Variants in SH2B3 observed in about 807,000 individuals in gnomAD.
SH2B3 encodes the protein SH2B adaptor protein 3.
In SH2B3, 43 loss-of-function variants were observed where a neutral mutation model predicts 51.9. That is an observed-to-expected ratio of 0.83 (90% CI 0.65 to 1.07). The LOEUF (loss-of-function observed/expected upper bound fraction) is 1.07, where lower values mean the gene tolerates loss of function less well. SH2B3 is among the 50% of genes least tolerant of loss of function. The probability of loss-of-function intolerance (pLI) is 0.00; values close to 1 mark genes in which losing one functional copy is unlikely to be tolerated. For missense variants in SH2B3, 952 were observed against 834.3 expected (o/e 1.14, Z -1.74); for synonymous variants, 396 against 376.0 (o/e 1.05, Z -0.62).
At chr12:111,423,975 G>A (rs996077173) in intron 2 of SH2B3, among the ~76,000 whole-genome samples, 11 of 152,144 alleles carry the variant, frequency 7.2e-5, no homozygotes, top group Non-Finnish European at 1.5e-4. Context: ...AGCCTGGTGT[G>A]GTGGCACATG....
intron 2 of SH2B3, chr12:111,434,852 A>G: frequency 5.2e-6 from 8 of 1,533,580 alleles, no homozygotes; most frequent in Non-Finnish European, 6.1e-6. Context: ...AGTAAACAGG[A>G]GCTAAAATGA....
intron 2 of SH2B3, among the ~76,000 whole-genome samples, chr12:111,428,622 A>C (rs1311341725): frequency 6.6e-6 from 1 of 152,048 alleles, no homozygotes; most frequent in Non-Finnish European, 1.5e-5. Context: ...TGATTTTGGG[A>C]GCACAAAGTC....
rs1044585100 is a variant in SH2B3, at chr12:111,416,639, G to A, written c.-27-1480G>A. 8.5e-5 allele frequency among the ~76,000 whole-genome samples: 13 copies of A among 152,120 alleles called. 1 individual carries two copies. Among genetic ancestry groups the A allele is most frequent in the Admixed American group, 2.6e-4 (4 of 15,284 alleles). On this transcript the variant is annotated intron_variant, in intron 1 of 7. Coordinates refer to ENST00000341259, the MANE Select transcript of SH2B3 (RefSeq NM_005475.3). ...CTCCCAAGTAGCTGGGACTACAGGC[G>A]CCCGCCACCACAGCCGGCTAATTTT...
rs377227265 is a variant in SH2B3, at chr12:111,447,681, G to A, written c.1262G>A (p.Arg421Gln). 1.4e-5 allele frequency: 22 copies of A among 1,613,038 alleles called. No individual in the cohort carries two copies. The highest frequency in any genetic ancestry group is 4.0e-5 in the African/African-American group (3 of 74,902). The part of the protein sequence containing the change: ...AKHLRLSLTE[R>Q]GQCRVQHLHF... ...CACCTGCGCCTGTCGCTGACAGAGC[G>A]GGGCCAGTGCCGTGTGCAGCACCTC... is the stretch of plus-strand genomic sequence containing the variant. The change falls in exon 7 of 8, where the codon CGG (arginine) becomes CAG (glutamine). Residue 421 changes from arginine to glutamine, a missense_variant. By Grantham distance (43) the Arg-to-Gln change is conservative (BLOSUM62 1). Coordinates refer to ENST00000341259, the MANE Select transcript of SH2B3 (RefSeq NM_005475.3).
Position 111,429,489 on chromosome 12 carries a change from A to C in SH2B3, c.732+10612A>C, listed in dbSNP as rs61944375. Among the ~76,000 whole-genome samples the C allele has an allele frequency of 0.012, 1,779 of 151,798 alleles. 15 individuals are homozygous for C. The highest frequency in any genetic ancestry group is 0.02 in the Non-Finnish European group (1,340 of 67,918). On this transcript the variant is annotated intron_variant, in intron 2 of 7. Transcript: ENST00000341259. The surrounding 1 kb of genome is among the most constrained non-coding windows in gnomAD (Gnocchi z 4.4). ...TGGGATTACAGGCGCCCACCACCACACTCCGCTAATTTTTCTGTATTATTA... is the reference window on the plus strand; with the variant it reads ...TGGGATTACAGGCGCCCACCACCACCCTCCGCTAATTTTTCTGTATTATTA...
chr12:111,445,379 G>T (rs1873845467), intron 2 of SH2B3, among the ~76,000 whole-genome samples: 2 of 152,238 alleles, frequency 1.3e-5, no homozygotes, highest in African/African-American at 4.8e-5. Flanking sequence ...ATGGGCAAGA[G>T]CGCAGAGGCC....
intron 2 of SH2B3, among the ~76,000 whole-genome samples, chr12:111,430,257 A>T (rs1872361878): frequency 6.6e-6 from 1 of 152,186 alleles, no homozygotes. Context: ...CTGCCCCCTT[A>T]TTGGGGTTCC....
In SH2B3 at chr12:111,408,817, T is replaced by C. The variant is rs548547850; in HGVS notation, c.-28+2540T>C. On this transcript the variant is annotated intron_variant, in intron 1 of 7. Coordinates refer to ENST00000341259, the MANE Select transcript of SH2B3 (RefSeq NM_005475.3). ...CATGAGGGTCTCCCATTGCTGGGGA[T>C]CCTTGGGTTGATCACTTAAGCTCTC... Among the ~76,000 whole-genome samples the C allele has an allele frequency of 2.0e-5, 3 of 152,354 alleles. No individual in the cohort carries two copies. The East Asian group carries it at 5.8e-4, about 29-fold the overall frequency.
intron 2 of SH2B3, chr12:111,444,655 C>A: frequency 2.5e-6 from 2 of 789,136 alleles, no homozygotes; most frequent in Non-Finnish European, 1.5e-6. Context: ...GCTGACACAG[C>A]CCCCAGGTTT....
At chr12:111,422,588 T>G (rs1871646266) in intron 2 of SH2B3, among the ~76,000 whole-genome samples, 1 of 150,324 alleles carries the variant, frequency 6.7e-6, no homozygotes, top group Non-Finnish European at 1.5e-5. Flanking sequence ...TGAGATGGAG[T>G]CTCACTCTGT....
Position 111,451,229 on chromosome 12 carries a change from T to C in SH2B3, c.*2927T>C, listed in dbSNP as rs183800991. On this transcript the variant is annotated 3_prime_UTR_variant, in exon 8 of 8. Coordinates refer to ENST00000341259, the MANE Select transcript of SH2B3 (RefSeq NM_005475.3). ...AAAAGGAATAGCAATCATTAAAATC[T>C]TGGGCCAGAGAACACTATTTTTACA... 3.3e-5 allele frequency: 5 copies of C among 152,796 alleles called. No individual in the cohort carries two copies. The highest frequency in any genetic ancestry group is 4.4e-5 in the Non-Finnish European group (3 of 68,030). 9.5% of individuals were successfully genotyped at this position (152,796 alleles called of 1,614,324 possible).
chr12:111,419,593 C>T (rs1390241328), intron 2 of SH2B3, among the ~76,000 whole-genome samples: 2 of 151,560 alleles, frequency 1.3e-5, no homozygotes, highest in Admixed American at 1.3e-4. Flanking sequence ...ACTAAGATTG[C>T]ACCACTGTAT....
In SH2B3 at chr12:111,410,557, G is replaced by A. The variant is rs1478877122; in HGVS notation, c.-28+4280G>A. The stretch of plus-strand genomic sequence containing the variant: ...CCTCCTGAAACCTAGCTGGGGCGGT[G>A]GCTGGGATGTCAGGCTGGCGGTGTG... On this transcript the variant is annotated intron_variant, in intron 1 of 7. Coordinates refer to ENST00000341259, the MANE Select transcript of SH2B3 (RefSeq NM_005475.3). This position sits in a 1 kb window ranked among gnomAD's most constrained non-coding sequence, Gnocchi z 4.9. Among the ~76,000 whole-genome samples the A allele has an allele frequency of 6.6e-6, 1 of 152,190 alleles. No individual in the cohort carries two copies. Among genetic ancestry groups the A allele is most frequent in the African/African-American group, 2.4e-5 (1 of 41,454 alleles).
chr12:111,417,553 A>C (rs1004532006), intron 1 of SH2B3, among the ~76,000 whole-genome samples: 2 of 151,726 alleles, frequency 1.3e-5, no homozygotes, highest in Non-Finnish European at 2.9e-5. Flanking sequence ...GGCTTACTGC[A>C]GCCTTGACTT....
In SH2B3 at chr12:111,444,769, T is replaced by C. The variant is rs574433092; in HGVS notation, c.733-1984T>C. 163 of 985,614 alleles carry C rather than the reference T, an allele frequency of 1.7e-4. 2 individuals are homozygous for C. The South Asian group carries it at 6.8e-3, about 41-fold the overall frequency. 61.1% of individuals were successfully genotyped at this position (985,614 alleles called of 1,614,324 possible). A position where few individuals can be genotyped will look rare whatever the true frequency, so the allele number is the denominator to read the frequency against. On this transcript the variant is annotated intron_variant, in intron 2 of 7. Coordinates refer to ENST00000341259, the MANE Select transcript of SH2B3 (RefSeq NM_005475.3). ...AGAGCCTGAGCTGTCCAGGCTGAGG[T>C]TTCGACTGAAGCAGGGGTTGTCCTG...
rs1872313971 is a variant in SH2B3 at position 111,429,790 on chromosome 12, A to G, written c.732+10913A>G. Among the ~76,000 whole-genome samples, 1 of 152,158 alleles carries G rather than the reference A, an allele frequency of 6.6e-6. No individual in the cohort carries two copies. Among genetic ancestry groups the G allele is most frequent in the South Asian group, 2.1e-4 (1 of 4,826 alleles). On this transcript the variant is annotated intron_variant, in intron 2 of 7. Transcript: ENST00000341259. The surrounding 1 kb of genome is among the most constrained non-coding windows in gnomAD (Gnocchi z 4.4). ...TCCAGAAACTTGCCCGAGGCCCCAG[A>G]GCTGGTAGGTGGCCAAGGCAGGAAA...
chr12:111,418,370 C>G lies in SH2B3; in HGVS notation c.225C>G (p.Phe75Leu). ...LQFTDLFQRY[F>L]CREVRDGRAP... is the part of the protein sequence containing the mutation. The stretch of plus-strand genomic sequence containing the variant: ...TCACCGACCTCTTCCAGCGCTACTT[C>G]TGCCGCGAGGTGCGCGACGGACGGG... The change falls in exon 2 of 8, where the codon TTC (phenylalanine) becomes TTG (leucine). Residue 75 changes from phenylalanine to leucine, a missense_variant. Physicochemically the swap from Phe to Leu is conservative, Grantham distance 22. Coordinates refer to ENST00000341259, the MANE Select transcript of SH2B3 (RefSeq NM_005475.3). This position sits in a 1 kb window ranked among gnomAD's most constrained non-coding sequence, Gnocchi z 6.7. 6.6e-7 allele frequency: 1 copy of G among 1,518,794 alleles called. No homozygotes were observed. The highest frequency in any genetic ancestry group is 1.2e-5 in the South Asian group (1 of 82,564). 94.1% of individuals were successfully genotyped at this position (1,518,794 alleles called of 1,614,324 possible). A position where few individuals can be genotyped will look rare whatever the true frequency, so the allele number is the denominator to read the frequency against.
At chr12:111,437,298 T>TG (rs1565982617) in intron 2 of SH2B3, among the ~76,000 whole-genome samples, 1 of 152,086 alleles carries the variant, frequency 6.6e-6, no homozygotes, top group Non-Finnish European at 1.5e-5. Flanking sequence ...TTTCTGGCAT[T>TG]GGGGGGCTCT....
Position 111,448,151 on chromosome 12 carries a change from T to G in SH2B3, c.1577T>G (p.Phe526Cys). The part of the protein sequence containing the change: ...PGRSSPPEQI[F>C]HLVPSPEELA... ...CGATCCTCACCCCCCGAGCAGATCT[T>G]CCACCTGGTGCCTTCGCCCGAAGAA... is the stretch of plus-strand genomic sequence containing the variant. The change falls in exon 8 of 8, where the codon TTC becomes TGC. Residue 526 changes from phenylalanine to cysteine, a missense_variant. Transcript: ENST00000341259. 6.2e-7 allele frequency: 1 copy of G among 1,614,106 alleles called. No individual in the cohort carries two copies. Among genetic ancestry groups the G allele is most frequent in the Non-Finnish European group, 8.5e-7 (1 of 1,179,994 alleles).
Sources: gnomAD v4.1 joint callset for allele counts (sites outside exome capture counted in the v4.1 genomes callset) on GRCh38, gnomAD v4.1.1 for gene constraint, Gnocchi (gnomAD v3.1) non-coding constraint, MANE v1.5 for transcripts, NCBI Gene and HGNC (gene_info 2026-07-23, HGNC 2026-07-21) for gene names.